SERBP1: variants seen among roughly 807,000 people sequenced by gnomAD.
SERBP1 encodes SERPINE1 mRNA-binding protein 1.
A neutral mutation model predicts 50.2 loss-of-function variants in SERBP1; 6 were observed. That is an observed-to-expected ratio of 0.12 (90% CI 0.07 to 0.24). The LOEUF is 0.24. Among genes scored for constraint, SERBP1 ranks in the 10% least tolerant of loss-of-function variants. The probability of loss-of-function intolerance (pLI) is 1.00; values close to 1 mark genes in which losing one functional copy is unlikely to be tolerated. For missense variants in SERBP1, 346 were observed against 524.9 expected (o/e 0.66, Z 3.33); for synonymous variants, 168 against 182.8 (o/e 0.92, Z 0.65).
chr1:67,424,872 A>C lies in SERBP1; in HGVS notation c.695+16T>G, dbSNP rs764940313. The C allele has an allele frequency of 6.2e-7, 1 of 1,605,344 alleles. No individual in the cohort carries two copies. Among genetic ancestry groups the C allele is most frequent in the Non-Finnish European group, 8.5e-7 (1 of 1,173,952 alleles). On this transcript the variant is annotated intron_variant, in intron 4 of 7. Coordinates refer to ENST00000361219, the MANE Select transcript of SERBP1 (RefSeq NM_001018069.2). Reference sequence around the variant, plus strand: ...CTAGTTAGGTATAGAATTTTTAAGAAAATCAGAATACCAACGTTAATTCGT... The same window carrying C: ...CTAGTTAGGTATAGAATTTTTAAGACAATCAGAATACCAACGTTAATTCGT...
chr1:67,415,150 G>GAA lies in SERBP1; in HGVS notation c.1125+14_1125+15dup, dbSNP rs1557500343. The GAA allele has an allele frequency of 6.4e-7, 1 of 1,557,084 alleles. No homozygotes were observed. The highest frequency in any genetic ancestry group is 8.7e-7 in the Non-Finnish European group (1 of 1,155,066). On this transcript the variant is annotated intron_variant, in intron 7 of 7. Transcript: ENST00000361219. ...GTCCTTAAATTATGTAAAAGGAAAA[G>GAA]AAAGTCTTAAATTACCTTGTCGGTC...
intron 6 of SERBP1, among the ~76,000 whole-genome samples, chr1:67,417,837 G>C (rs1379058056): frequency 6.6e-6 from 1 of 151,792 alleles, no homozygotes; most frequent in Non-Finnish European, 1.5e-5. Flanking sequence ...CAGACAATGA[G>C]GAGCAGAAAA....
chr1:67,423,434 C>T (rs1667268226), intron 5 of SERBP1, among the ~76,000 whole-genome samples: 1 of 151,972 alleles, frequency 6.6e-6, no homozygotes, highest in Non-Finnish European at 1.5e-5. Context: ...TGGTGAAACC[C>T]TGTCTCTACT....
intron 5 of SERBP1, among the ~76,000 whole-genome samples, chr1:67,421,982 T>C (rs2100429770): frequency 6.6e-6 from 1 of 152,304 alleles, no homozygotes; most frequent in Admixed American, 6.5e-5. Flanking sequence ...AAACTTAACG[T>C]TGCATAGGGT....
Position 67,430,213 on chromosome 1 carries a change from C to T in SERBP1, c.88G>A (p.Val30Met). 1 of 1,604,806 alleles carries T rather than the reference C, an allele frequency of 6.2e-7. No homozygotes were observed. Among genetic ancestry groups the T allele is most frequent in the Non-Finnish European group, 8.5e-7 (1 of 1,177,924 alleles). Reference sequence around the variant, plus strand: ...TTCTTGTTCTCTGCTGCCTTCAGCACCTCGAAGGGGTCCGATTCGTCGTCA... The same window carrying T: ...TTCTTGTTCTCTGCTGCCTTCAGCATCTCGAAGGGGTCCGATTCGTCGTCA... ...LFDDESDPFE[V>M]LKAAENKKKE... Residue 30 changes from valine to methionine, a missense_variant, in exon 1 of 8, where the codon GTG becomes ATG. Val to Met is a conservative substitution (Grantham distance 21, BLOSUM62 1). Transcript: ENST00000361219.
chr1:67,421,187 T>C (rs1667186125), intron 5 of SERBP1, among the ~76,000 whole-genome samples: 1 of 152,090 alleles, frequency 6.6e-6, no homozygotes, highest in South Asian at 2.1e-4. Flanking sequence ...GACAGGATCT[T>C]GGGATCTTGG....
At chr1:67,426,994 G>T (rs1395107533) in intron 1 of SERBP1, among the ~76,000 whole-genome samples, 1 of 152,088 alleles carries the variant, frequency 6.6e-6, no homozygotes. Context: ...CCCTATTAAA[G>T]TTTAAAATTT....
chr1:67,422,784 A>C (rs904290207), intron 5 of SERBP1, among the ~76,000 whole-genome samples: 1 of 151,594 alleles, frequency 6.6e-6, no homozygotes, highest in Non-Finnish European at 1.5e-5. Flanking sequence ...ACATGGTGAA[A>C]TCCTGTCTCT....
intron 5 of SERBP1, among the ~76,000 whole-genome samples, chr1:67,422,018 CTTCA>C (rs1669264793): frequency 6.6e-6 from 1 of 152,142 alleles, no homozygotes; most frequent in Admixed American, 6.5e-5. Context: ...CCAATCACAA[CTTCA>C]TTGTTTATCA....
At chr1:67,413,949 G>C (rs1666923265) in intron 7 of SERBP1, among the ~76,000 whole-genome samples, 1 of 151,986 alleles carries the variant, frequency 6.6e-6, no homozygotes, top group African/African-American at 2.4e-5. Context: ...TAGGTTACAG[G>C]GATGTGCCAC....
chr1:67,428,661 C>T (rs146291411), intron 1 of SERBP1, among the ~76,000 whole-genome samples: 2 of 130,788 alleles, frequency 1.5e-5, no homozygotes, highest in East Asian at 2.0e-4. Context: ...ATAATTTTAC[C>T]ACAAGAATTA....
At chr1:67,424,174 T>C (rs1365846815) in intron 5 of SERBP1, 26 bp downstream of exon 5, 17 of 1,585,688 alleles carry the variant, frequency 1.1e-5, no homozygotes, top group African/African-American at 1.4e-5. Flanking sequence ...TTCTGGGTCA[T>C]TACTATTACA....
At chr1:67,426,436 A>T (rs1570305240) in intron 1 of SERBP1, 151 bp from the exon 2 acceptor site, 1 of 591,090 alleles carries the variant, frequency 1.7e-6, no homozygotes, top group South Asian at 4.9e-5. Flanking sequence ...GTAACAAAGT[A>T]CCTTAGGAAA....
At position 67,420,117 on chromosome 1, in the gene SERBP1, A is replaced by G; in HGVS notation, c.843T>C (p.Ile281=). The G allele has an allele frequency of 1.2e-6, 2 of 1,613,718 alleles. No individual in the cohort carries two copies. The highest frequency in any genetic ancestry group is 1.7e-6 in the Non-Finnish European group (2 of 1,179,746). The stretch of plus-strand genomic sequence containing the variant: ...CTACTTTTGCCCGGTCCTTATTTTG[A>G]ATAGCCTTCCACTCATCCAAAGTCA... The part of the protein sequence containing the change: ...KEMTLDEWKA[I]QNKDRAKVEF... The change falls in exon 6 of 8, where the codon ATT becomes ATC. Residue 281 remains isoleucine, a synonymous_variant. Coordinates refer to ENST00000361219, the MANE Select transcript of SERBP1 (RefSeq NM_001018069.2).
intron 6 of SERBP1, among the ~76,000 whole-genome samples, chr1:67,419,193 G>A (rs1236384267): frequency 1.3e-5 from 2 of 152,290 alleles, no homozygotes; most frequent in African/African-American, 4.8e-5. Flanking sequence ...CCTTTGTGAT[G>A]ATCCAGTTCC....
intron 6 of SERBP1, 104 bp from the exon 7 acceptor site, chr1:67,415,443 T>A: frequency 8.5e-7 from 1 of 1,183,094 alleles, no homozygotes. Context: ...ATCCAAACTG[T>A]ACTTTCTGTG....
intron 6 of SERBP1, 112 bp downstream of exon 6, chr1:67,419,897 C>CA: frequency 1.2e-6 from 1 of 855,550 alleles, no homozygotes; most frequent in African/African-American, 1.7e-5. Context: ...CCAAATGATC[C>CA]TATGTAAAGC....
At position 67,415,186 on chromosome 1, in the gene SERBP1, G is replaced by A. The variant is rs757426389; in HGVS notation, c.1105C>T (p.Arg369Cys). The change falls in exon 7 of 8, where the codon CGT becomes TGT. Residue 369 changes from arginine (R) to cysteine (C), a missense_variant. This residue lies in a region of SERBP1 where 68 missense variants were observed against 97.3 expected (regional missense o/e 0.70). Coordinates refer to ENST00000361219, the MANE Select transcript of SERBP1 (RefSeq NM_001018069.2). ...GGRGRGGRPN[R>C]GSRTDKSSAS... ...ATTACCTTGTCGGTCCTGCTGCCAC[G>A]GTTTGGGCGCCCACCACGCCCACGT... 7 of 1,595,836 alleles carry A rather than the reference G, an allele frequency of 4.4e-6. No homozygotes were observed. The highest frequency in any genetic ancestry group is 1.4e-5 in the African/African-American group (1 of 73,704).
At chr1:67,428,406 T>G (rs1667456669) in intron 1 of SERBP1, among the ~76,000 whole-genome samples, 1 of 152,238 alleles carries the variant, frequency 6.6e-6, no homozygotes, top group African/African-American at 2.4e-5. Context: ...CTTCATGTTT[T>G]GAACATTCAA....
Sources: gnomAD v4.1 joint callset for allele counts (sites outside exome capture counted in the v4.1 genomes callset) on GRCh38, gnomAD v4.1.1 for gene constraint, gnomAD v4.1.1 regional missense constraint, MANE v1.5 for transcripts, NCBI Gene and HGNC (gene_info 2026-07-23, HGNC 2026-07-21) for gene names.